ELOVL6: variants seen among roughly 807,000 people sequenced by gnomAD.
The protein encoded by ELOVL6 is ELOVL fatty acid elongase 6, also known as very long chain fatty acid elongase 6.
In ELOVL6, 8 loss-of-function variants were observed where a neutral mutation model predicts 31.7. The ratio of observed to expected loss-of-function variants is 0.25; its 90% CI spans 0.15 to 0.45. The LOEUF is 0.45. ELOVL6 is among the 20% of genes least tolerant of loss of function. The pLI, the probability that ELOVL6 is intolerant of heterozygous loss-of-function variation, is 1.00. For missense variants in ELOVL6, 126 were observed against 326.4 expected, an observed-to-expected ratio of 0.39 and a Z score of 4.73; for synonymous variants, 101 against 117.7, an observed-to-expected ratio of 0.86 and a Z score of 0.92.
At chr4:110,135,816 CA>C in intron 1 of ELOVL6, among the ~76,000 whole-genome samples, 1 of 152,114 alleles carries the variant, frequency 6.6e-6, no homozygotes, top group East Asian at 1.9e-4. Context: ...TCAAGATGAA[CA>C]AAGGGTCAAA....
intron 2 of ELOVL6, among the ~76,000 whole-genome samples, chr4:110,092,820 C>CAT (rs397957084): frequency 1.6e-4 from 25 of 151,854 alleles, no homozygotes; most frequent in Admixed American, 1.4e-3. Context: ...CACACACACA[C>CAT]GTGCACACAT....
At chr4:110,164,488 G>A (rs1178646201) in intron 1 of ELOVL6, among the ~76,000 whole-genome samples, 2 of 152,082 alleles carry the variant, frequency 1.3e-5, no homozygotes, top group Non-Finnish European at 1.5e-5. Context: ...AAGCACAGCC[G>A]GGTGAGGTGG....
At chr4:110,085,146 G>A (rs1756213960) in intron 2 of ELOVL6, among the ~76,000 whole-genome samples, 1 of 152,184 alleles carries the variant, frequency 6.6e-6, no homozygotes, top group Non-Finnish European at 1.5e-5. Context: ...ATGAAAGCAA[G>A]AGGTTAGGCA....
At chr4:110,058,469 G>T (rs567124585) in intron 3 of ELOVL6, among the ~76,000 whole-genome samples, 1 of 152,174 alleles carries the variant, frequency 6.6e-6, no homozygotes, top group East Asian at 1.9e-4. Context: ...CTTATAAACA[G>T]CAGGTTTCTG....
chr4:110,155,946 G>A (rs1381025131), intron 1 of ELOVL6, among the ~76,000 whole-genome samples: 1 of 152,166 alleles, frequency 6.6e-6, no homozygotes, highest in Non-Finnish European at 1.5e-5. Context: ...TTGCTACAAG[G>A]CAGTATAGGA....
intron 2 of ELOVL6, among the ~76,000 whole-genome samples, chr4:110,073,886 C>T (rs1002800412): frequency 6.6e-6 from 1 of 152,202 alleles, no homozygotes; most frequent in Non-Finnish European, 1.5e-5. Flanking sequence ...TTGTTCTATT[C>T]TTTTCCCATA....
At chr4:110,056,129 G>GGGGC (rs1553953535) in intron 3 of ELOVL6, among the ~76,000 whole-genome samples, 77 of 143,260 alleles carry the variant, frequency 5.4e-4, no homozygotes, top group African/African-American at 2.0e-3. Context: ...AGCTGGGGGG[G>GGGGC]GGGATACAGT....
intron 2 of ELOVL6, among the ~76,000 whole-genome samples, chr4:110,081,925 T>A (rs939766885): frequency 3.0e-4 from 45 of 150,812 alleles, no homozygotes; most frequent in African/African-American, 1.1e-3. Flanking sequence ...CATCAAAAAG[T>A]GGGTGAAGGA....
intron 1 of ELOVL6, among the ~76,000 whole-genome samples, chr4:110,179,011 A>G (rs1235968521): frequency 6.6e-6 from 1 of 152,100 alleles, no homozygotes; most frequent in Non-Finnish European, 1.5e-5. Flanking sequence ...TACAACTGAT[A>G]ATGTTTATGC....
intron 2 of ELOVL6, among the ~76,000 whole-genome samples, chr4:110,098,949 GA>G (rs1273992624): frequency 6.6e-6 from 1 of 151,916 alleles, no homozygotes; most frequent in African/African-American, 2.4e-5. Context: ...GCAACCATAG[GA>G]AAAAAACTAA....
intron 1 of ELOVL6, among the ~76,000 whole-genome samples, chr4:110,188,569 G>T (rs1368545325): frequency 6.6e-6 from 1 of 151,994 alleles, no homozygotes; most frequent in Non-Finnish European, 1.5e-5. Flanking sequence ...ATAAAGGGTG[G>T]CTGCAAGGGT....
Position 110,186,906 on chromosome 4 carries a change from A to G in ELOVL6, c.89+11341T>C, listed in dbSNP as rs531103288. 8.2e-5 allele frequency among the ~76,000 whole-genome samples: 12 copies of G among 145,646 alleles called. No individual in the cohort carries two copies. In the South Asian group the frequency reaches 2.1e-3, roughly 26 times the overall value. Reference sequence around the variant, plus strand: ...ACATATATATATACATATATATGGAATGTTTCAAAAAAAAAAACTATCAAT... The same window carrying G: ...ACATATATATATACATATATATGGAGTGTTTCAAAAAAAAAAACTATCAAT... On this transcript the variant is annotated intron_variant, in intron 1 of 3. Coordinates refer to ENST00000302274, the MANE Select transcript of ELOVL6 (RefSeq NM_024090.3).
At chr4:110,153,942 C>CA (rs1758347080) in intron 1 of ELOVL6, among the ~76,000 whole-genome samples, 1 of 152,152 alleles carries the variant, frequency 6.6e-6, no homozygotes, top group African/African-American at 2.4e-5. Flanking sequence ...TGCAAGGAAA[C>CA]AGGAAGTTTT....
chr4:110,070,010 T>A (rs1021629394), intron 2 of ELOVL6, among the ~76,000 whole-genome samples: 2 of 152,168 alleles, frequency 1.3e-5, no homozygotes, highest in African/African-American at 4.8e-5. Context: ...TTTCTGTACA[T>A]CCCTGGTGTC....
At chr4:110,130,845 C>T (rs888482663) in intron 1 of ELOVL6, among the ~76,000 whole-genome samples, 3 of 152,084 alleles carry the variant, frequency 2.0e-5, no homozygotes, top group Admixed American at 6.5e-5. Context: ...ATATCAAAGA[C>T]AGAAAATTTA....
intron 1 of ELOVL6, chr4:110,197,896 C>T (rs1005695102): frequency 9.9e-6 from 3 of 302,744 alleles, no homozygotes; most frequent in East Asian, 8.3e-5. Flanking sequence ...AGATGAAAAC[C>T]GGGGGAGGGG....
rs1306296587 is a variant in ELOVL6 at position 110,048,615 on chromosome 4, C to T, written c.*2723G>A. ...TCAGATTTGTCATGGGCCAGTGATCCAGCCTCATATCTTGATATGATTAAA... is the reference window on the plus strand; with the variant it reads ...TCAGATTTGTCATGGGCCAGTGATCTAGCCTCATATCTTGATATGATTAAA... On this transcript the variant is annotated 3_prime_UTR_variant, in exon 4 of 4. Transcript: ENST00000302274. 6.6e-6 allele frequency: 1 copy of T among 152,116 alleles called. No individual in the cohort carries two copies. Among genetic ancestry groups the T allele is most frequent in the Non-Finnish European group, 1.5e-5 (1 of 68,030 alleles). 9.4% of individuals were successfully genotyped at this position (152,116 alleles called of 1,614,324 possible). A position where few individuals can be genotyped will look rare whatever the true frequency, so the allele number is the denominator to read the frequency against.
At chr4:110,185,957 C>T (rs779548751) in intron 1 of ELOVL6, among the ~76,000 whole-genome samples, 10 of 152,058 alleles carry the variant, frequency 6.6e-5, no homozygotes, top group East Asian at 1.9e-4. Flanking sequence ...TTTGGGAGGC[C>T]GAGGTGGGCG....
chr4:110,158,541 C>T (rs1231708583), intron 1 of ELOVL6, among the ~76,000 whole-genome samples: 2 of 130,164 alleles, frequency 1.5e-5, no homozygotes, highest in African/African-American at 5.4e-5. Context: ...TAATTGGCAG[C>T]CAAGATATTG....
Sources: gnomAD v4.1 joint callset for allele counts (sites outside exome capture counted in the v4.1 genomes callset) on GRCh38, gnomAD v4.1.1 for gene constraint, MANE v1.5 for transcripts, NCBI Gene and HGNC (gene_info 2026-07-23, HGNC 2026-07-21) for gene names.